Variants in KIF14 observed in about 807,000 individuals in gnomAD.
KIF14 encodes kinesin-like protein KIF14.
A neutral mutation model predicts 176.2 loss-of-function variants in KIF14; 98 were observed. The observed-to-expected ratio is 0.56, with a 90% confidence interval of 0.47 to 0.66. The LOEUF (loss-of-function observed/expected upper bound fraction) is 0.66, where lower values mean the gene tolerates loss of function less well. KIF14 is among the 30% of genes least tolerant of loss of function. The probability of loss-of-function intolerance (pLI) is 0.00; values close to 1 mark genes in which losing one functional copy is unlikely to be tolerated. For missense variants in KIF14, 1,751 were observed against 1,920.4 expected (o/e 0.91, Z 1.65); for synonymous variants, 566 against 632.2 (o/e 0.90, Z 1.57).
At chr1:200,605,939 T>A (rs1249699935) in intron 6 of KIF14, 45 bp from the exon 7 acceptor site, 6 of 1,118,856 alleles carry the variant, frequency 5.4e-6, no homozygotes, top group Non-Finnish European at 7.8e-6. Context: ...TACTGATGAT[T>A]ATACTCTTGT....
chr1:200,554,947 A>G (rs543177011), intron 28 of KIF14, among the ~76,000 whole-genome samples: 53 of 152,294 alleles, frequency 3.5e-4, no homozygotes, highest in South Asian at 6.2e-4. Flanking sequence ...ATTTAAATAA[A>G]AATTTTCAAG....
intron 21 of KIF14, among the ~76,000 whole-genome samples, chr1:200,576,477 C>CAAAAAAAAAA (rs34294441): frequency 5.7e-5 from 5 of 87,488 alleles, no homozygotes; most frequent in Admixed American, 1.3e-4. Context: ...GACTCCGTCT[C>CAAAAAAAAAA]AAAAAAAAAA....
At chr1:200,602,501 G>A (rs558512948) in intron 10 of KIF14, among the ~76,000 whole-genome samples, 2 of 152,274 alleles carry the variant, frequency 1.3e-5, no homozygotes, top group African/African-American at 4.8e-5. Flanking sequence ...AAAAGAGTAT[G>A]AGACTTAAAA....
At chr1:200,568,503 A>T (rs574549218) in intron 23 of KIF14, among the ~76,000 whole-genome samples, 26 of 152,330 alleles carry the variant, frequency 1.7e-4, no homozygotes, top group African/African-American at 6.0e-4. Flanking sequence ...ACTTTTATCA[A>T]ATAGATTGTT....
Position 200,606,628 on chromosome 1 carries a change from T to G in KIF14, c.1607+118A>C, listed in dbSNP as rs1301384286. 6.9e-6 allele frequency: 6 copies of G among 865,124 alleles called. No homozygotes were observed. In the South Asian group the frequency reaches 8.3e-5, roughly 12 times the overall value. 53.6% of individuals were successfully genotyped at this position (865,124 alleles called of 1,614,324 possible). On this transcript the variant is annotated intron_variant, in intron 6 of 29. Transcript: ENST00000367350. ...CAAGGGTAGAAGGCTAAATAAATAGTTACCCAGGGTTTCAAAGTTAGGAAG... is the reference window on the plus strand; with the variant it reads ...CAAGGGTAGAAGGCTAAATAAATAGGTACCCAGGGTTTCAAAGTTAGGAAG...
intron 4 of KIF14, among the ~76,000 whole-genome samples, chr1:200,612,778 T>C (rs982428178): frequency 7.2e-5 from 11 of 151,890 alleles, no homozygotes; most frequent in African/African-American, 2.7e-4. Flanking sequence ...TTGATTTCTC[T>C]CTCCCTCATC....
At chr1:200,563,371 G>A (rs1028521473) in intron 25 of KIF14, among the ~76,000 whole-genome samples, 6 of 151,680 alleles carry the variant, frequency 4.0e-5, no homozygotes, top group Non-Finnish European at 1.5e-5. Flanking sequence ...TTTACTTTTT[G>A]TTATTATTAT....
chr1:200,574,208 C>T (rs577036838), intron 22 of KIF14, among the ~76,000 whole-genome samples: 57 of 152,302 alleles, frequency 3.7e-4, no homozygotes, highest in Middle Eastern at 3.4e-3. Context: ...TTGACCCTTA[C>T]ATCCTGAAAA....
Position 200,586,092 on chromosome 1 carries a change from C to T in KIF14, c.3241+9G>A, listed in dbSNP as rs1177861857. The T allele has an allele frequency of 6.7e-7, 1 of 1,498,632 alleles. No individual in the cohort carries two copies. The highest frequency in any genetic ancestry group is 9.0e-7 in the Non-Finnish European group (1 of 1,111,836). 92.8% of individuals were successfully genotyped at this position (1,498,632 alleles called of 1,614,324 possible). On this transcript the variant is annotated intron_variant, in intron 19 of 29. Coordinates refer to ENST00000367350, the MANE Select transcript of KIF14 (RefSeq NM_014875.3). ...TAGAAAATGTTTGCTAAAATCAGCA[C>T]ACACTTACCTGTAAAAGTTTTATCC...
chr1:200,600,224 T>C, intron 12 of KIF14, 111 bp from the exon 13 acceptor site: 1 of 1,202,732 alleles, frequency 8.3e-7, no homozygotes, highest in Non-Finnish European at 1.2e-6. Flanking sequence ...ATTTAAAATA[T>C]GATAATCTGG....
At position 200,553,561 on chromosome 1, in the gene KIF14, T is replaced by G. The variant is rs1400622753; in HGVS notation, c.4774A>C (p.Lys1592Gln). 2.5e-6 allele frequency: 4 copies of G among 1,613,972 alleles called. No homozygotes were observed. Among genetic ancestry groups the G allele is most frequent in the Non-Finnish European group, 3.4e-6 (4 of 1,180,016 alleles). The change falls in exon 30 of 30, where the codon AAA becomes CAA. Residue 1592 changes from lysine to glutamine, a missense_variant. Transcript: ENST00000367350. ...TTTTGATTATAAGTTTCCCAGGGTT[T>G]CAACAAATCAGGGCTTTCTTCAGAT... is the stretch of plus-strand genomic sequence containing the variant. ...FESEESPDLL[K>Q]PWETYNQNTK...
intron 23 of KIF14, among the ~76,000 whole-genome samples, chr1:200,567,296 T>C (rs1439296446): frequency 6.6e-6 from 1 of 151,178 alleles, no homozygotes; most frequent in African/African-American, 2.4e-5. Flanking sequence ...AATCCCAGCA[T>C]TTTGGGAGGC....
In KIF14 at chr1:200,606,104, TATG is replaced by T. The variant is rs1311994052; in HGVS notation, c.1608-213_1608-211del. Among the ~76,000 whole-genome samples, 5 of 152,252 alleles carry T rather than the reference TATG, an allele frequency of 3.3e-5. No individual in the cohort carries two copies. In the South Asian group the frequency reaches 8.3e-4, roughly 25 times the overall value. Reference sequence around the variant, plus strand: ...ATAATGCTTTAATTTTAACAAAAAGTATGATTTTTCTTAATACAATGAAGCACC... The same window carrying T: ...ATAATGCTTTAATTTTAACAAAAAGTATTTTTCTTAATACAATGAAGCACC... On this transcript the variant is annotated intron_variant, in intron 6 of 29. Coordinates refer to ENST00000367350, the MANE Select transcript of KIF14 (RefSeq NM_014875.3).
chr1:200,581,391 T>A, intron 19 of KIF14, 97 bp from the exon 20 acceptor site: 1 of 576,000 alleles, frequency 1.7e-6, no homozygotes, highest in Non-Finnish European at 3.0e-6. Context: ...TCACTGATTT[T>A]AAATGAATGG....
chr1:200,590,280 G>A lies in KIF14; in HGVS notation c.2814-8C>T, dbSNP rs1362302605. 3.7e-6 allele frequency: 6 copies of A among 1,608,934 alleles called. No individual in the cohort carries two copies. Among genetic ancestry groups the A allele is most frequent in the Non-Finnish European group, 5.1e-6 (6 of 1,178,160 alleles). ...TTTATTTCTGCTTCAAGTCTACAATGTAGCAAGATGTTTATAGGGTACATG... is the reference window on the plus strand; with the variant it reads ...TTTATTTCTGCTTCAAGTCTACAATATAGCAAGATGTTTATAGGGTACATG... On this transcript the variant is annotated splice_region_variant and splice_polypyrimidine_tract_variant and intron_variant, in intron 16 of 29. Coordinates refer to ENST00000367350, the MANE Select transcript of KIF14 (RefSeq NM_014875.3).
At chr1:200,572,511 A>G (rs1218361613) in intron 22 of KIF14, among the ~76,000 whole-genome samples, 1 of 151,950 alleles carries the variant, frequency 6.6e-6, no homozygotes, top group Non-Finnish European at 1.5e-5. Flanking sequence ...CGCCCAGCTA[A>G]TTTTTGTATT....
intron 19 of KIF14, among the ~76,000 whole-genome samples, chr1:200,585,518 T>C (rs377648699): frequency 6.6e-6 from 1 of 152,222 alleles, no homozygotes; most frequent in Non-Finnish European, 1.5e-5. Context: ...AAAAACATGC[T>C]GCACATTGAA....
At chr1:200,592,013 C>A in intron 16 of KIF14, 67 bp downstream of exon 16, 1 of 1,339,162 alleles carries the variant, frequency 7.5e-7, no homozygotes, top group Non-Finnish European at 1.0e-6. Flanking sequence ...GAGACTGGCA[C>A]AATGTGATTA....
At chr1:200,589,017 C>G (rs141379827) in intron 18 of KIF14, among the ~76,000 whole-genome samples, 200 bp downstream of exon 18, 1 of 152,284 alleles carries the variant, frequency 6.6e-6, no homozygotes, top group African/African-American at 2.4e-5. Flanking sequence ...ATGGAAATAA[C>G]TCTGTCACTT....
Sources: gnomAD v4.1 joint callset for allele counts (sites outside exome capture counted in the v4.1 genomes callset) on GRCh38, gnomAD v4.1.1 for gene constraint, MANE v1.5 for transcripts, NCBI Gene and HGNC (gene_info 2026-07-23, HGNC 2026-07-21) for gene names.